The following SEMA5A variants were observed in gnomAD, a reference collection of about 807,000 sequenced individuals.
SEMA5A encodes semaphorin 5A, also known as semaphorin-5A.
SEMA5A carries 55 observed loss-of-function variants against 135.5 expected under a neutral mutation model. That is an observed-to-expected ratio of 0.41 (90% CI 0.33 to 0.51). The LOEUF (loss-of-function observed/expected upper bound fraction) is 0.51, where lower values mean the gene tolerates loss of function less well. Ranked by LOEUF, SEMA5A falls within the 20% of genes least tolerant of loss-of-function variation. SEMA5A has a pLI of 0.37. For missense variants in SEMA5A, 1,290 were observed against 1,419.9 expected (o/e 0.91, Z 1.47); for synonymous variants, 580 against 546.5 (o/e 1.06, Z -0.85).
At chr5:9,400,367 A>C (rs1756598119) in intron 2 of SEMA5A, among the ~76,000 whole-genome samples, 1 of 152,216 alleles carries the variant, frequency 6.6e-6, no homozygotes, top group Non-Finnish European at 1.5e-5. Flanking sequence ...TTAAAAAATA[A>C]AAATTAAAAA....
At chr5:9,227,020 T>C (rs1747353091) in intron 6 of SEMA5A, 53 bp from the exon 7 acceptor site, 1 of 907,428 alleles carries the variant, frequency 1.1e-6, no homozygotes, top group Non-Finnish European at 1.5e-6. Flanking sequence ...TGTATAATGA[T>C]AAACATGCTA....
At chr5:9,092,215 G>A (rs946242879) in intron 16 of SEMA5A, among the ~76,000 whole-genome samples, 9 of 152,198 alleles carry the variant, frequency 5.9e-5, no homozygotes, top group African/African-American at 1.9e-4. Flanking sequence ...ACTAGACTGG[G>A]GTTGATGTGC....
At position 9,338,912 on chromosome 5, in the gene SEMA5A, G is replaced by T. The variant is rs371959284; in HGVS notation, c.125-1100C>A. On this transcript the variant is annotated intron_variant, in intron 3 of 22. Coordinates refer to ENST00000382496, the MANE Select transcript of SEMA5A (RefSeq NM_003966.3). Reference sequence around the variant, plus strand: ...TGAGAGGGACTATTTTTTCAGGAATGGTTCTGTATAATAAACATGTCTTTT... The same window carrying T: ...TGAGAGGGACTATTTTTTCAGGAATTGTTCTGTATAATAAACATGTCTTTT... Among the ~76,000 whole-genome samples the T allele has an allele frequency of 3.5e-4, 54 of 152,216 alleles. 1 individual carries two copies. In the South Asian group the frequency reaches 0.011, roughly 30 times the overall value.
At position 9,202,043 on chromosome 5, in the gene SEMA5A, C is replaced by T. The variant is rs1414459805; in HGVS notation, c.844G>A (p.Gly282Arg). Reference protein sequence around the residue: ...MKARLNCSRPGEVPFYYNELQ... With the variant: ...MKARLNCSRPREVPFYYNELQ... ...TCGTTGTAGTAAAAGGGGACTTCCC[C>T]AGGACGGGAGCAGTTCAGGCGAGCC... The change falls in exon 9 of 23, where the codon GGG becomes AGG. Residue 282 changes from glycine to arginine, a missense_variant. This residue lies in a region of SEMA5A where 1,029 missense variants were observed against 1,086.6 expected (regional missense o/e 0.95). Coordinates refer to ENST00000382496, the MANE Select transcript of SEMA5A (RefSeq NM_003966.3). The T allele has an allele frequency of 3.7e-6, 6 of 1,614,182 alleles. No homozygotes were observed. Among genetic ancestry groups the T allele is most frequent in the Non-Finnish European group, 5.1e-6 (6 of 1,180,042 alleles).
intron 13 of SEMA5A, among the ~76,000 whole-genome samples, chr5:9,124,809 G>A (rs148760202): frequency 6.6e-6 from 1 of 152,104 alleles, no homozygotes; most frequent in Non-Finnish European, 1.5e-5. Flanking sequence ...GAAAATCTGA[G>A]CAAGGAAGAC....
intron 2 of SEMA5A, among the ~76,000 whole-genome samples, chr5:9,432,058 A>G (rs1757874862): frequency 6.6e-6 from 1 of 152,220 alleles, no homozygotes; most frequent in Non-Finnish European, 1.5e-5. Context: ...AGATTTCCCA[A>G]GTTCCATAAT....
At chr5:9,290,675 T>C (rs1371657742) in intron 5 of SEMA5A, among the ~76,000 whole-genome samples, 3 of 152,202 alleles carry the variant, frequency 2.0e-5, no homozygotes, top group East Asian at 3.8e-4. Context: ...TAGCGCTAGA[T>C]ATACAGAAAC....
At chr5:9,100,880 C>A (rs889415531) in intron 16 of SEMA5A, among the ~76,000 whole-genome samples, 3 of 152,012 alleles carry the variant, frequency 2.0e-5, no homozygotes, top group Non-Finnish European at 4.4e-5. Flanking sequence ...ACTCACATCT[C>A]CATAATGTTT....
At chr5:9,287,840 T>A (rs7715566) in intron 5 of SEMA5A, among the ~76,000 whole-genome samples, 151,024 of 152,348 alleles carry the variant, frequency 0.99, 74,868 homozygotes, top group East Asian at 1. Context: ...CTCTAGCCAA[T>A]TATGGCAAAG....
chr5:9,370,772 A>C (rs1755103681), intron 3 of SEMA5A, among the ~76,000 whole-genome samples: 1 of 152,186 alleles, frequency 6.6e-6, no homozygotes, highest in Non-Finnish European at 1.5e-5. Flanking sequence ...AAATGTAACC[A>C]AGGTGGCTTA....
intron 1 of SEMA5A, among the ~76,000 whole-genome samples, chr5:9,495,091 G>T (rs1003768808): frequency 7.9e-5 from 12 of 152,202 alleles, no homozygotes; most frequent in African/African-American, 2.9e-4. Context: ...ATTCCAAAGT[G>T]TTTAAATTCT....
chr5:9,060,044 G>A (rs548658620), intron 18 of SEMA5A, among the ~76,000 whole-genome samples: 13 of 152,092 alleles, frequency 8.5e-5, no homozygotes, highest in Non-Finnish European at 1.6e-4. Context: ...CACACCCCTA[G>A]CACTTCCAAC....
At chr5:9,246,731 T>C (rs1366960895) in intron 5 of SEMA5A, among the ~76,000 whole-genome samples, 1 of 152,142 alleles carries the variant, frequency 6.6e-6, no homozygotes, top group South Asian at 2.1e-4. Context: ...TTAAACAATA[T>C]GAGAAGCAGC....
At chr5:9,425,681 A>T (rs111989795) in intron 2 of SEMA5A, among the ~76,000 whole-genome samples, 205 of 152,330 alleles carry the variant, frequency 1.3e-3, no homozygotes, top group Non-Finnish European at 2.5e-3. Context: ...CCAACCCTCA[A>T]AATATTTGCT....
intron 11 of SEMA5A, among the ~76,000 whole-genome samples, chr5:9,156,134 A>T (rs1171139450): frequency 6.6e-6 from 1 of 152,252 alleles, no homozygotes; most frequent in Non-Finnish European, 1.5e-5. Context: ...AGAAAGGGGC[A>T]GCTGTGGCGT....
chr5:9,158,375 A>T (rs970161251), intron 11 of SEMA5A, among the ~76,000 whole-genome samples: 2 of 152,190 alleles, frequency 1.3e-5, no homozygotes, highest in African/African-American at 4.8e-5. Flanking sequence ...TTGCCACAAG[A>T]AATAAAGCCA....
chr5:9,322,031 A>G (rs565780573), intron 4 of SEMA5A, among the ~76,000 whole-genome samples: 1 of 152,186 alleles, frequency 6.6e-6, no homozygotes, highest in African/African-American at 2.4e-5. Context: ...CTCTCTGTCT[A>G]CTTGGAGAGG....
rs145847145 is a variant in SEMA5A, at chr5:9,475,969, G to A, written c.-174-38117C>T. On this transcript the variant is annotated intron_variant, in intron 1 of 22. Coordinates refer to ENST00000382496, the MANE Select transcript of SEMA5A (RefSeq NM_003966.3). Reference sequence around the variant, plus strand: ...GAGAAAAAGTCAATGTATATTCTTCGAAACATATCCATGCATTAATGATCA... The same window carrying A: ...GAGAAAAAGTCAATGTATATTCTTCAAAACATATCCATGCATTAATGATCA... 2.5e-3 allele frequency among the ~76,000 whole-genome samples: 381 copies of A among 152,236 alleles called. 2 individuals are homozygous for A. Among genetic ancestry groups the A allele is most frequent in the African/African-American group, 7.5e-3 (312 of 41,536 alleles).
chr5:9,140,790 TC>T (rs560423506), intron 12 of SEMA5A, among the ~76,000 whole-genome samples: 73 of 152,194 alleles, frequency 4.8e-4, no homozygotes, highest in Non-Finnish European at 8.1e-4. Context: ...AGGCCTGCAT[TC>T]CTTTTCGTGT....
Sources: gnomAD v4.1 joint callset for allele counts (sites outside exome capture counted in the v4.1 genomes callset) on GRCh38, gnomAD v4.1.1 for gene constraint, gnomAD v4.1.1 regional missense constraint, MANE v1.5 for transcripts, NCBI Gene and HGNC (gene_info 2026-07-23, HGNC 2026-07-21) for gene names.